Variants in DAPP1 observed in about 807,000 individuals in gnomAD.
DAPP1 encodes dual adapter for phosphotyrosine and 3-phosphotyrosine and 3-phosphoinositide.
A neutral mutation model predicts 41.5 loss-of-function variants in DAPP1; 20 were observed. The observed-to-expected ratio is 0.48, with a 90% CI of 0.34 to 0.70. DAPP1 has a LOEUF of 0.70. Among genes scored for constraint, DAPP1 ranks in the 30% least tolerant of loss-of-function variants. The pLI, the probability that DAPP1 is intolerant of heterozygous loss-of-function variation, is 0.01. For synonymous variants in DAPP1, 113 were observed against 116.2 expected (o/e 0.97, Z 0.18); for missense variants, 233 against 333.4 (o/e 0.70, Z 2.35).
intron 3 of DAPP1, among the ~76,000 whole-genome samples, chr4:99,849,916 C>T (rs1723796009): frequency 1.3e-5 from 2 of 152,120 alleles, no homozygotes. Flanking sequence ...AGGAAAATGG[C>T]CACAAGTCAA....
chr4:99,817,922 T>G (rs1234828801), intron 1 of DAPP1, among the ~76,000 whole-genome samples: 2 of 152,186 alleles, frequency 1.3e-5, no homozygotes, highest in African/African-American at 4.8e-5. Context: ...TGAAAACAAG[T>G]ACCAAACAGG....
At chr4:99,838,187 T>C (rs2110145298) in intron 2 of DAPP1, among the ~76,000 whole-genome samples, 1 of 152,284 alleles carries the variant, frequency 6.6e-6, no homozygotes, top group East Asian at 1.9e-4. Context: ...ATCTGAGCAA[T>C]TAGATCATAA....
chr4:99,849,203 T>A (rs1369853250), intron 3 of DAPP1, among the ~76,000 whole-genome samples: 1 of 152,220 alleles, frequency 6.6e-6, no homozygotes, highest in Non-Finnish European at 1.5e-5. Flanking sequence ...TTACTTTTGT[T>A]GAATTAAACT....
At chr4:99,841,500 A>T (rs1179267663) in intron 3 of DAPP1, among the ~76,000 whole-genome samples, 1 of 152,220 alleles carries the variant, frequency 6.6e-6, no homozygotes, top group Non-Finnish European at 1.5e-5. Flanking sequence ...AAATTCTCCC[A>T]ATCAACCCTG....
rs1245365752 is a variant in DAPP1, at chr4:99,869,430, G to C, written c.*1245G>C. On this transcript the variant is annotated 3_prime_UTR_variant, in exon 9 of 9. Transcript: ENST00000512369. ...TGCTTGAAGAGCCTGAGAGTAAAAA[G>C]ATTATGCTGCAAAGCTATGATATAA... is the stretch of plus-strand genomic sequence containing the variant. The C allele has an allele frequency of 6.6e-6, 1 of 152,126 alleles. No homozygotes were observed. Among genetic ancestry groups the C allele is most frequent in the Non-Finnish European group, 1.5e-5 (1 of 68,028 alleles). The allele number at this position is 152,126 out of a possible 1,614,324, so 9.4% of individuals were successfully genotyped here.
downstream of DAPP1, among the ~76,000 whole-genome samples, chr4:99,871,018 C>A (rs980900056): frequency 2.0e-5 from 3 of 152,160 alleles, no homozygotes; most frequent in South Asian, 2.1e-4. Flanking sequence ...CTGGGGGAAA[C>A]CTTCCCCCTA....
intron 7 of DAPP1, among the ~76,000 whole-genome samples, chr4:99,864,634 G>A (rs1408804192): frequency 2.0e-5 from 3 of 152,166 alleles, no homozygotes; most frequent in Admixed American, 6.6e-5. Flanking sequence ...TGAGCTAGCA[G>A]AGCTTTATTT....
At chr4:99,855,524 T>A (rs990559201) in intron 4 of DAPP1, among the ~76,000 whole-genome samples, 1 of 152,112 alleles carries the variant, frequency 6.6e-6, no homozygotes, top group African/African-American at 2.4e-5. Context: ...TAAAATGGAG[T>A]TTTTAAAATA....
intron 2 of DAPP1, among the ~76,000 whole-genome samples, chr4:99,838,506 C>T (rs886410031): frequency 6.6e-6 from 1 of 152,168 alleles, no homozygotes; most frequent in Non-Finnish European, 1.5e-5. Context: ...AATGCGGGTT[C>T]AGGATGAAAC....
rs1356027591 is a variant in DAPP1 at position 99,868,491 on chromosome 4, T to A, written c.*306T>A. ...GAAGAGGAAGGGTTTTTGTTTTCAC[T>A]CATTGTGGTCCCCAAGCCTATTGAC... On this transcript the variant is annotated 3_prime_UTR_variant, in exon 9 of 9. Coordinates refer to ENST00000512369, the MANE Select transcript of DAPP1 (RefSeq NM_014395.3). 1 of 317,350 alleles carries A rather than the reference T, an allele frequency of 3.2e-6. No individual in the cohort carries two copies. Among genetic ancestry groups the A allele is most frequent in the Non-Finnish European group, 6.0e-6 (1 of 166,194 alleles). 19.7% of individuals were successfully genotyped at this position (317,350 alleles called of 1,614,324 possible).
intron 2 of DAPP1, among the ~76,000 whole-genome samples, chr4:99,836,203 T>C (rs1029114217): frequency 2.6e-5 from 4 of 152,176 alleles, no homozygotes; most frequent in Non-Finnish European, 1.5e-5. Context: ...TTTCCTATAG[T>C]GGGCTAGCTT....
chr4:99,824,882 C>T (rs561100938), intron 1 of DAPP1, among the ~76,000 whole-genome samples: 1 of 152,240 alleles, frequency 6.6e-6, no homozygotes, highest in Admixed American at 6.5e-5. Flanking sequence ...GTCTTGCAGC[C>T]ATTCCTGTAC....
Position 99,828,403 on chromosome 4 carries a change from A to G in DAPP1, c.102-7220A>G, listed in dbSNP as rs968261125. Among the ~76,000 whole-genome samples the G allele has an allele frequency of 8.5e-5, 13 of 152,206 alleles. 1 individual carries two copies. Among genetic ancestry groups the G allele is most frequent in the Admixed American group, 8.5e-4 (13 of 15,280 alleles). On this transcript the variant is annotated intron_variant, in intron 1 of 8. Transcript: ENST00000512369. ...GCGTCTTTGTGACATATGTATGTTT[A>G]TATATATACAGAGTGATATAAAATG... is the stretch of plus-strand genomic sequence containing the variant.
At chr4:99,839,993 C>T (rs1488623568) in intron 2 of DAPP1, among the ~76,000 whole-genome samples, 2 of 152,134 alleles carry the variant, frequency 1.3e-5, no homozygotes, top group South Asian at 2.1e-4. Context: ...ATCCAGGAGG[C>T]GGAGGTTGCA....
intron 2 of DAPP1, among the ~76,000 whole-genome samples, chr4:99,837,877 CAG>C (rs1201501344): frequency 6.6e-6 from 1 of 151,680 alleles, no homozygotes; most frequent in African/African-American, 2.4e-5. Flanking sequence ...TGATGGGAGA[CAG>C]TGACAGTTCG....
At chr4:99,854,850 G>A (rs1167941256) in intron 4 of DAPP1, among the ~76,000 whole-genome samples, 1 of 152,140 alleles carries the variant, frequency 6.6e-6, no homozygotes, top group Non-Finnish European at 1.5e-5. Context: ...TTACCATGCT[G>A]TGGGCTAATT....
intron 3 of DAPP1, among the ~76,000 whole-genome samples, chr4:99,849,178 C>T (rs1008893502): frequency 1.3e-5 from 2 of 152,150 alleles, no homozygotes; most frequent in African/African-American, 2.4e-5. Flanking sequence ...TGACTCAATG[C>T]CATTTTCCTT....
At chr4:99,834,459 G>C (rs1377219238) in intron 1 of DAPP1, among the ~76,000 whole-genome samples, 1 of 151,698 alleles carries the variant, frequency 6.6e-6, no homozygotes, top group Non-Finnish European at 1.5e-5. Flanking sequence ...GAATCTCCTT[G>C]AGCATTCCCT....
At chr4:99,857,789 A>G (rs1167556702) in intron 4 of DAPP1, among the ~76,000 whole-genome samples, 1 of 151,998 alleles carries the variant, frequency 6.6e-6, no homozygotes, top group Non-Finnish European at 1.5e-5. Flanking sequence ...TTAATTAACT[A>G]TATATTTAAA....
Sources: gnomAD v4.1 joint callset for allele counts (sites outside exome capture counted in the v4.1 genomes callset) on GRCh38, gnomAD v4.1.1 for gene constraint, MANE v1.5 for transcripts, NCBI Gene and HGNC (gene_info 2026-07-23, HGNC 2026-07-21) for gene names.